The following SORCS3 variants were observed in gnomAD, a reference collection of about 807,000 sequenced individuals.
SORCS3 encodes the protein VPS10 domain-containing receptor SorCS3.
In SORCS3, 57 loss-of-function variants were observed where a neutral mutation model predicts 146.3. The observed-to-expected ratio is 0.39, with a 90% CI of 0.31 to 0.49. The LOEUF is 0.49. Among genes scored for constraint, SORCS3 ranks in the 20% least tolerant of loss-of-function variants. The pLI is 0.92. For synonymous variants in SORCS3, 653 were observed against 618.5 expected (o/e 1.06, Z -0.83); for missense variants, 1,341 against 1,575.5 (o/e 0.85, Z 2.52).
chr10:104,923,000 T>G (rs1362350845), intron 3 of SORCS3, among the ~76,000 whole-genome samples: 2 of 152,206 alleles, frequency 1.3e-5, no homozygotes, highest in Admixed American at 1.3e-4. Flanking sequence ...CATTGTAGGG[T>G]AAGACCACTA....
At chr10:104,952,987 A>G (rs1464511893) in intron 3 of SORCS3, among the ~76,000 whole-genome samples, 1 of 152,200 alleles carries the variant, frequency 6.6e-6, no homozygotes, top group Admixed American at 6.5e-5. Context: ...TAGAAAGCCT[A>G]AAACATAGGC....
chr10:104,742,037 C>T (rs2133461337), intron 1 of SORCS3, among the ~76,000 whole-genome samples: 1 of 151,942 alleles, frequency 6.6e-6, no homozygotes, highest in South Asian at 2.1e-4. Flanking sequence ...CATTTGGGTA[C>T]TGTATGACTC....
chr10:105,175,623 A>T (rs2056395376), intron 13 of SORCS3, among the ~76,000 whole-genome samples: 1 of 152,158 alleles, frequency 6.6e-6, no homozygotes, highest in Non-Finnish European at 1.5e-5. Flanking sequence ...ATTTCCAATT[A>T]TACATGTTTT....
chr10:104,928,397 C>G (rs755251589), intron 3 of SORCS3, among the ~76,000 whole-genome samples: 19 of 152,152 alleles, frequency 1.2e-4, no homozygotes, highest in Non-Finnish European at 2.5e-4. Context: ...TAGCAAAGTG[C>G]TTGGGAAGGC....
chr10:104,702,490 G>A (rs887622032), intron 1 of SORCS3, among the ~76,000 whole-genome samples: 2 of 152,246 alleles, frequency 1.3e-5, no homozygotes, highest in Non-Finnish European at 2.9e-5. Flanking sequence ...GTTTCACCAT[G>A]TTGGCCAGGC....
chr10:105,001,809 C>A (rs2055063416), intron 4 of SORCS3, among the ~76,000 whole-genome samples: 3 of 152,184 alleles, frequency 2.0e-5, no homozygotes. Context: ...GCTCTTCAGG[C>A]ACAATATGTC....
chr10:105,009,487 A>T (rs1360564432), intron 4 of SORCS3, among the ~76,000 whole-genome samples: 4 of 149,472 alleles, frequency 2.7e-5, no homozygotes, highest in African/African-American at 9.8e-5. Flanking sequence ...AGATCAATAG[A>T]TCTTCTTCCC....
intron 9 of SORCS3, among the ~76,000 whole-genome samples, chr10:105,150,457 G>A (rs769483625): frequency 2.6e-5 from 4 of 152,110 alleles, no homozygotes; most frequent in African/African-American, 7.2e-5. Context: ...CTGTACATGC[G>A]CAGTTCTTCT....
chr10:105,137,842 A>T (rs2056069173), intron 7 of SORCS3, among the ~76,000 whole-genome samples: 1 of 149,824 alleles, frequency 6.7e-6, no homozygotes, highest in South Asian at 2.1e-4. Flanking sequence ...GTATGTTTAC[A>T]TGTGTTGGTT....
At chr10:104,843,842 G>A (rs1390776306) in intron 2 of SORCS3, among the ~76,000 whole-genome samples, 1 of 152,232 alleles carries the variant, frequency 6.6e-6, no homozygotes. Flanking sequence ...GAGACTTGAG[G>A]TGTTGTGTGT....
At chr10:105,030,309 C>T (rs1197510339) in intron 4 of SORCS3, among the ~76,000 whole-genome samples, 2 of 152,166 alleles carry the variant, frequency 1.3e-5, no homozygotes. Flanking sequence ...CTTGGCTGGG[C>T]TCTCTTTTAC....
intron 20 of SORCS3, among the ~76,000 whole-genome samples, chr10:105,242,705 T>C (rs1428140084): frequency 9.9e-6 from 1 of 100,640 alleles, no homozygotes; most frequent in East Asian, 3.3e-4. Flanking sequence ...TACATTTATA[T>C]ATTTATATAT....
At chr10:105,051,684 A>G (rs2055414201) in intron 5 of SORCS3, among the ~76,000 whole-genome samples, 1 of 152,122 alleles carries the variant, frequency 6.6e-6, no homozygotes, top group East Asian at 1.9e-4. Context: ...ATGTGCATCT[A>G]CGATTTTGCA....
At chr10:104,769,132 C>G (rs747200580) in intron 1 of SORCS3, among the ~76,000 whole-genome samples, 1 of 152,218 alleles carries the variant, frequency 6.6e-6, no homozygotes, top group Non-Finnish European at 1.5e-5. Flanking sequence ...AACTTACTTG[C>G]ATTTAAGAAA....
chr10:104,980,369 G>A (rs1187520596), intron 4 of SORCS3, among the ~76,000 whole-genome samples: 1 of 152,170 alleles, frequency 6.6e-6, no homozygotes, highest in Non-Finnish European at 1.5e-5. Flanking sequence ...TGCAGAGATG[G>A]CATAAAACAC....
At chr10:105,161,765 A>G (rs2056265265) in intron 11 of SORCS3, among the ~76,000 whole-genome samples, 1 of 152,164 alleles carries the variant, frequency 6.6e-6, no homozygotes, top group South Asian at 2.1e-4. Flanking sequence ...GGCAATTACT[A>G]TACTCCTCAA....
chr10:104,952,535 A>G (rs1793420472), intron 3 of SORCS3, among the ~76,000 whole-genome samples: 2 of 152,138 alleles, frequency 1.3e-5, no homozygotes, highest in South Asian at 4.1e-4. Flanking sequence ...GTAGTCTTAT[A>G]TTGGCTTTTC....
At chr10:104,711,136 A>G (rs927561675) in intron 1 of SORCS3, among the ~76,000 whole-genome samples, 11 of 152,228 alleles carry the variant, frequency 7.2e-5, no homozygotes, top group Non-Finnish European at 1.5e-4. Context: ...GAGCACTTAC[A>G]ATATACCAGG....
At chr10:105,118,336 G>T (rs1012031858) in intron 7 of SORCS3, among the ~76,000 whole-genome samples, 2 of 152,226 alleles carry the variant, frequency 1.3e-5, no homozygotes, top group Middle Eastern at 3.4e-3. Flanking sequence ...TGTCATGATT[G>T]TAAGTTTCCT....
Sources: allele counts gnomAD v4.1 joint callset (sites outside exome capture counted in the v4.1 genomes callset), GRCh38; gene constraint gnomAD v4.1.1; transcripts MANE v1.5; gene names NCBI Gene and HGNC (gene_info 2026-07-23, HGNC 2026-07-21).